Variants in XIST observed in about 807,000 individuals in gnomAD.
The protein encoded by XIST is X inactive specific transcript, also known as X inactive specific transcript (non-protein coding).
chrX:73,841,316 T>C, intron 1 of XIST: 1 of 425,748 alleles, frequency 2.3e-6, no homozygotes, highest in Admixed American at 4.1e-5. Context: ...TTTCTATAGG[T>C]GGCATCTAAG....
Position 73,831,184 on chromosome X carries a change from G to A in XIST, n.11634C>T, listed in dbSNP as rs760029929. 4 of 553,409 alleles carry A rather than the reference G, an allele frequency of 7.2e-6. No homozygotes were observed. In the South Asian group the frequency reaches 9.1e-5, roughly 13 times the overall value. 45.6% of individuals were successfully genotyped at this position (553,409 alleles called of 1,213,427 possible). The stretch of plus-strand genomic sequence containing the variant: ...AGTGGTAGTGAGCTTTTCCCCTGGA[G>A]GATCCTCATGCCCCATCTCCACCTA... On this transcript the variant is annotated non_coding_transcript_exon_variant, in exon 4 of 6. Transcript: ENST00000429829.
exon 1 of XIST, chrX:73,849,480 T>C: frequency 1.8e-6 from 1 of 558,999 alleles, no homozygotes. Context: ...GGACTGTGAC[T>C]ACAGAAGCAA....
At chrX:73,828,186 A>C (rs1922307685) in intron 5 of XIST, 12 of 365,123 alleles carry the variant, frequency 3.3e-5, no homozygotes, top group Non-Finnish European at 5.6e-5. Flanking sequence ...CACCAATACC[A>C]ACACAGATGC....
At chrX:73,852,244 G>A (rs1026127481) in exon 1 of XIST, 2 of 548,031 alleles carry the variant, frequency 3.6e-6, no homozygotes, top group Non-Finnish European at 6.5e-6. Flanking sequence ...CCGATACCCC[G>A]ATGGGCTAAG....
intron 1 of XIST, among the ~76,000 whole-genome samples, chrX:73,838,205 A>T (rs929537451): frequency 6.3e-5 from 7 of 111,404 alleles, no homozygotes; most frequent in African/African-American, 2.3e-4. Flanking sequence ...ATACTATGCC[A>T]CTAGTTTTCA....
chrX:73,847,773 T>G, exon 1 of XIST: 1 of 559,083 alleles, frequency 1.8e-6, no homozygotes, highest in Non-Finnish European at 3.2e-6. Context: ...AGAAGGACTC[T>G]GGGTTTCCAG....
chrX:73,821,065 C>A, exon 6 of XIST: 1 of 558,702 alleles, frequency 1.8e-6, no homozygotes, highest in Non-Finnish European at 3.2e-6. Flanking sequence ...TTTCTTCTTT[C>A]CATTTTCCAA....
exon 1 of XIST, chrX:73,852,075 G>A (rs753620169): frequency 9.3e-6 from 5 of 535,183 alleles, no homozygotes; most frequent in East Asian, 6.7e-5. Context: ...ATTAAAGCAG[G>A]TATCCGAGGC....
chrX:73,844,999 C>T (rs769453229), exon 1 of XIST: 3 of 546,267 alleles, frequency 5.5e-6, no homozygotes, highest in African/African-American at 2.4e-5. Flanking sequence ...TAATCACATA[C>T]GTTAACAGGC....
At chrX:73,822,923 A>G in exon 6 of XIST, 1 of 558,754 alleles carries the variant, frequency 1.8e-6, no homozygotes, top group Non-Finnish European at 3.2e-6. Context: ...CTCTTAGAGA[A>G]TTTGTTCCTG....
At chrX:73,843,303 C>A (rs771179453) in exon 1 of XIST, 2 of 556,497 alleles carry the variant, frequency 3.6e-6, no homozygotes, top group Non-Finnish European at 6.5e-6. Context: ...TGGGTCAGTA[C>A]CCCCGATGTA....
At chrX:73,833,141 A>G in intron 3 of XIST, 3 of 472,879 alleles carry the variant, frequency 6.3e-6, no homozygotes, top group Admixed American at 5.9e-5. Context: ...TACAAGCAGG[A>G]GCCACCATGC....
rs755856307 is a variant in XIST at position 73,823,275 on chromosome X, C to A, written n.16626G>T. 14 of 485,312 alleles carry A rather than the reference C, an allele frequency of 2.9e-5. 1 individual carries two copies. The highest frequency in any genetic ancestry group is 4.3e-5 in the Non-Finnish European group (12 of 279,414). 40.0% of individuals were successfully genotyped at this position (485,312 alleles called of 1,213,427 possible). A position where few individuals can be genotyped will look rare whatever the true frequency, so the allele number is the denominator to read the frequency against. ...GGATTCCTGAAACTAGGAAAAATGT[C>A]TCTTTATTTTGAAAGAAACTTGCAT... On this transcript the variant is annotated non_coding_transcript_exon_variant, in exon 6 of 6. Coordinates refer to ENST00000429829, the Ensembl canonical transcript of XIST.
exon 1 of XIST, chrX:73,844,952 G>C (rs7884070): frequency 1.8e-6 from 1 of 555,206 alleles, no homozygotes. Context: ...GGGCAGGGGA[G>C]GCTTCCATGT....
At chrX:73,846,982 A>G in exon 1 of XIST, 1 of 559,145 alleles carries the variant, frequency 1.8e-6, no homozygotes, top group Non-Finnish European at 3.2e-6. Flanking sequence ...ATTGATTAGC[A>G]CTCTCTGCTT....
rs776533992 is a variant in XIST at position 73,822,987 on chromosome X, A to G, written n.16914T>C. The G allele has an allele frequency of 4.1e-5, 23 of 557,164 alleles. No homozygotes were observed. In the South Asian group the frequency reaches 5.1e-4, roughly 12 times the overall value. The allele number at this position is 557,164 out of a possible 1,213,427, so 45.9% of individuals were successfully genotyped here. ...AGTGCACTTTGGTTTACGTCTTTCA[A>G]GCACTTAAGAACAGCACTTTATTCA... On this transcript the variant is annotated non_coding_transcript_exon_variant, in exon 6 of 6. Coordinates refer to ENST00000429829, the Ensembl canonical transcript of XIST.
At position 73,821,763 on chromosome X, in the gene XIST, A is replaced by T. The variant is rs779652688; in HGVS notation, n.18138T>A. ...CTACATTTAGAGAAATTTTAAAAAAATTTTTCCTTTCAATTTTGGCCAATT... is the reference window on the plus strand; with the variant it reads ...CTACATTTAGAGAAATTTTAAAAAATTTTTTCCTTTCAATTTTGGCCAATT... On this transcript the variant is annotated non_coding_transcript_exon_variant, in exon 6 of 6. Transcript: ENST00000429829. 6 of 511,950 alleles carry T rather than the reference A, an allele frequency of 1.2e-5. No individual in the cohort carries two copies. The South Asian group carries it at 1.3e-4, about 11-fold the overall frequency. The allele number at this position is 511,950 out of a possible 1,213,427, so 42.2% of individuals were successfully genotyped here.
chrX:73,829,235 T>C (rs1922328591), intron 4 of XIST: 2 of 553,118 alleles, frequency 3.6e-6, no homozygotes, highest in African/African-American at 4.4e-5. Context: ...TGAAGAGCTA[T>C]AAAAAAACAT....
intron 5 of XIST, chrX:73,828,690 A>G: frequency 8.4e-6 from 1 of 118,832 alleles, no homozygotes; most frequent in Non-Finnish European, 1.7e-5. Flanking sequence ...TTCTTTTTAC[A>G]CTAATCTTAA....
Sources: gnomAD v4.1 joint callset for allele counts (sites outside exome capture counted in the v4.1 genomes callset) on GRCh38, gnomAD v4.1.1 for gene constraint, MANE v1.5 for transcripts, NCBI Gene and HGNC (gene_info 2026-07-23, HGNC 2026-07-21) for gene names.